SDS: variants seen among roughly 807,000 people sequenced by gnomAD.
The protein encoded by SDS is serine dehydratase.
In SDS, 19 loss-of-function variants were observed where a neutral mutation model predicts 29.3. The ratio of observed to expected loss-of-function variants is 0.65; its 90% CI spans 0.45 to 0.95. The LOEUF (loss-of-function observed/expected upper bound fraction) is 0.95, where lower values mean the gene tolerates loss of function less well. Among genes scored for constraint, SDS ranks in the 40% least tolerant of loss-of-function variants. SDS has a pLI of 0.00. For missense variants in SDS, 375 were observed against 439.9 expected (o/e 0.85, Z 1.32); for synonymous variants, 176 against 189.0 (o/e 0.93, Z 0.56).
rs926979619 is a variant in SDS at position 113,398,834 on chromosome 12, C to T, written c.206G>A (p.Gly69Asp). The T allele has an allele frequency of 6.2e-7, 1 of 1,606,018 alleles. No homozygotes were observed. The highest frequency in any genetic ancestry group is 8.5e-7 in the Non-Finnish European group (1 of 1,176,436). The change falls in exon 4 of 8, where the codon GGC becomes GAC. Residue 69 changes from glycine (G) to aspartate (D), a missense_variant. Transcript: ENST00000257549. Reference protein sequence around the residue: ...HFVCSSAGNAGMAAAYAARQL... With the variant: ...HFVCSSAGNADMAAAYAARQL... The stretch of plus-strand genomic sequence containing the variant: ...CCTGGCCGCATATGCAGCCGCCATG[C>T]CTGCGTTGCCCGCTGCCAGGGTCGG...
chr12:113,397,025 C>T (rs538325289), intron 6 of SDS, 140 bp downstream of exon 6: 35 of 732,538 alleles, frequency 4.8e-5, no homozygotes, highest in Non-Finnish European at 7.4e-5. Context: ...ACTCACTGGA[C>T]GTGGCCCTGG....
chr12:113,397,283 C>T lies in SDS; in HGVS notation c.535G>A (p.Gly179Arg). Residue 179 changes from glycine (G) to arginine (R), a missense_variant, in exon 6 of 8, where the codon GGG (glycine) becomes AGG (arginine). Physicochemically the swap from Gly to Arg is moderately radical, Grantham distance 125. Transcript: ENST00000257549. ...GGGLLCGVVQ[G>R]LQEVGWGDVP... ...TCCCCCCAGCCCACCTCCTGCAGCC[C>T]CTGGACCACTCCACACAGCAGGCCC... 3 of 1,614,184 alleles carry T rather than the reference C, an allele frequency of 1.9e-6. No homozygotes were observed. The highest frequency in any genetic ancestry group is 2.5e-6 in the Non-Finnish European group (3 of 1,180,028).
At chr12:113,396,542 CTCCCTTCCTTCCTT>C in intron 6 of SDS, 13 of 73,238 alleles carry the variant, frequency 1.8e-4, no homozygotes, top group Non-Finnish European at 3.6e-4. Flanking sequence ...CCCTCCCTCT[CTCCCTTCCTTCCTT>C]CCTTCCTTCC....
rs144123121 is a variant in SDS at position 113,401,423 on chromosome 12, G to C, written c.-2-1713C>G. Among the ~76,000 whole-genome samples, 489 of 151,836 alleles carry C rather than the reference G, an allele frequency of 3.2e-3. 3 individuals are homozygous for C. The highest frequency in any genetic ancestry group is 0.011 in the African/African-American group (457 of 41,364). Reference sequence around the variant, plus strand: ...CATTCATTCATTCCAGTAGAGATGGGGTTTTGCTATGTTGGCCAGGCTGGT... The same window carrying C: ...CATTCATTCATTCCAGTAGAGATGGCGTTTTGCTATGTTGGCCAGGCTGGT... On this transcript the variant is annotated intron_variant, in intron 1 of 7. Transcript: ENST00000257549.
Position 113,397,159 on chromosome 12 carries a change from G to A in SDS, c.653+6C>T, listed in dbSNP as rs556145266. 2.9e-4 allele frequency: 460 copies of A among 1,613,574 alleles called. 8 individuals are homozygous for A. The South Asian group carries it at 4.8e-3, about 17-fold the overall frequency. ...GACACCCGAGGGAGGCACCCCAGCT[G>A]CTCACCTGGTGATCTTGGGCAGGGA... On this transcript the variant is annotated splice_donor_region_variant and intron_variant, in intron 6 of 7. Coordinates refer to ENST00000257549, the MANE Select transcript of SDS (RefSeq NM_006843.3).
chr12:113,393,934 T>C lies in SDS; in HGVS notation c.736A>G (p.Ile246Val). The C allele has an allele frequency of 6.2e-7, 1 of 1,614,140 alleles. No individual in the cohort carries two copies. Among genetic ancestry groups the C allele is most frequent in the African/African-American group, 1.3e-5 (1 of 75,038 alleles). The part of the protein sequence containing the change: ...FQEHPIFSEV[I>V]SDQEAVAAIE... ...GCGGCCACAGCCTCCTGGTCCGAGA[T>C]AACTTCAGAGAAAATGGGGTGTTCC... The change falls in exon 7 of 8, where the codon ATC (isoleucine) becomes GTC (valine). Residue 246 changes from isoleucine to valine, a missense_variant. By Grantham distance (29) the Ile-to-Val change is conservative. Coordinates refer to ENST00000257549, the MANE Select transcript of SDS (RefSeq NM_006843.3).
Position 113,397,172 on chromosome 12 carries a change from T to C in SDS, c.646A>G (p.Ile216Val), listed in dbSNP as rs745568603. The change falls in exon 6 of 8, where the codon ATC becomes GTC. Residue 216 changes from isoleucine to valine, a missense_variant. Coordinates refer to ENST00000257549, the MANE Select transcript of SDS (RefSeq NM_006843.3). Reference sequence around the variant, plus strand: ...GGCACCCCAGCTGCTCACCTGGTGATCTTGGGCAGGGAGACAAGTTTGCCT... The same window carrying C: ...GGCACCCCAGCTGCTCACCTGGTGACCTTGGGCAGGGAGACAAGTTTGCCT... ...TAGKLVSLPKITSVAKALGVK... is the reference protein window; with the variant it reads ...TAGKLVSLPKVTSVAKALGVK... 3.7e-5 allele frequency: 59 copies of C among 1,614,140 alleles called. No homozygotes were observed. Among genetic ancestry groups the C allele is most frequent in the Non-Finnish European group, 4.9e-5 (58 of 1,179,998 alleles).
At chr12:113,399,451 A>T in intron 2 of SDS, 105 bp downstream of exon 2, 1 of 1,310,778 alleles carries the variant, frequency 7.6e-7, no homozygotes, top group African/African-American at 1.5e-5. Flanking sequence ...GGGAGTCAGT[A>T]GGCTTATCCT....
rs1565870368 is a variant in SDS at position 113,399,625 on chromosome 12, G to A, written c.84C>T (p.Tyr28=). The A allele has an allele frequency of 6.2e-7, 1 of 1,601,200 alleles. No individual in the cohort carries two copies. Among genetic ancestry groups the A allele is most frequent in the Non-Finnish European group, 8.5e-7 (1 of 1,175,632 alleles). The change falls in exon 2 of 8, where the codon TAC becomes TAT. Residue 28 remains tyrosine (Y), a synonymous_variant. Coordinates refer to ENST00000257549, the MANE Select transcript of SDS (RefSeq NM_006843.3). ...AGGGCTGGGCACTGTCCATCTTGAGGTAGACGCTGGTGCCGGCCATTTTGG... is the reference window on the plus strand; with the variant it reads ...AGGGCTGGGCACTGTCCATCTTGAGATAGACGCTGGTGCCGGCCATTTTGG... ...ALSKMAGTSV[Y]LKMDSAQPSG...
chr12:113,399,198 G>T, intron 2 of SDS, 47 bp from the exon 3 acceptor site: 2 of 1,594,248 alleles, frequency 1.3e-6, no homozygotes, highest in Non-Finnish European at 1.7e-6. Context: ...CCCAGTCATT[G>T]CCTGTGCTCT....
Position 113,392,565 on chromosome 12 carries a change from G to T in SDS, c.*376C>A. The T allele has an allele frequency of 4.1e-6, 1 of 241,254 alleles. No homozygotes were observed. The allele number at this position is 241,254 out of a possible 1,614,324, so 14.9% of individuals were successfully genotyped here. On this transcript the variant is annotated 3_prime_UTR_variant, in exon 8 of 8. Transcript: ENST00000257549. ...AGATGGTTCCTCAACCCTGGTTGGT[G>T]GCCCTGTTGACCTTCACTGGGAACA... is the stretch of plus-strand genomic sequence containing the variant.
In SDS at chr12:113,399,129, T is replaced by C; in HGVS notation, c.176A>G (p.His59Arg). 6.2e-7 allele frequency: 1 copy of C among 1,613,938 alleles called. No homozygotes were observed. Among genetic ancestry groups the C allele is most frequent in the Non-Finnish European group, 8.5e-7 (1 of 1,179,924 alleles). Residue 59 changes from histidine (H) to arginine (R), a missense_variant, in exon 3 of 8, where the codon CAT becomes CGT. Coordinates refer to ENST00000257549, the MANE Select transcript of SDS (RefSeq NM_006843.3). ...TCACTTACCCGAGGAGCAGACAAAA[T>C]GTGCACAGCCTTGCTTGGCCCACTG... ...CKRWAKQGCA[H>R]FVCSSAGNAG...
intron 1 of SDS, among the ~76,000 whole-genome samples, chr12:113,402,967 A>T (rs556423996): frequency 6.6e-6 from 1 of 152,252 alleles, no homozygotes; most frequent in East Asian, 1.9e-4. Context: ...TGCTCAGTCG[A>T]TATGAACTAT....
rs1957619356 is a variant in SDS, at chr12:113,392,869, C to T, written c.*72G>A. The T allele has an allele frequency of 7.2e-7, 1 of 1,396,256 alleles. No individual in the cohort carries two copies. Among genetic ancestry groups the T allele is most frequent in the South Asian group, 1.2e-5 (1 of 82,998 alleles). 86.5% of individuals were successfully genotyped at this position (1,396,256 alleles called of 1,614,324 possible). ...GTGCTCAGCCAAACATACGACGAGG[C>T]GCTGGATAAAACTCCAGCCCCTCCA... On this transcript the variant is annotated 3_prime_UTR_variant, in exon 8 of 8. Coordinates refer to ENST00000257549, the MANE Select transcript of SDS (RefSeq NM_006843.3).
In SDS at chr12:113,399,617, A is replaced by G. The variant is rs746717475; in HGVS notation, c.92T>C (p.Met31Thr). The G allele has an allele frequency of 5.6e-6, 9 of 1,602,866 alleles. No homozygotes were observed. The highest frequency in any genetic ancestry group is 1.3e-5 in the African/African-American group (1 of 74,908). The change falls in exon 2 of 8, where the codon ATG becomes ACG. Residue 31 changes from methionine (M) to threonine (T), a missense_variant. Met to Thr is a moderately conservative substitution (Grantham distance 81, BLOSUM62 -1). Coordinates refer to ENST00000257549, the MANE Select transcript of SDS (RefSeq NM_006843.3). ...KMAGTSVYLK[M>T]DSAQPSGSFK... ...GGAGCCGGAGGGCTGGGCACTGTCC[A>G]TCTTGAGGTAGACGCTGGTGCCGGC...
rs1347156987 is a variant in SDS at position 113,403,813 on chromosome 12, G to A, written c.-48C>T. 6.6e-6 allele frequency: 1 copy of A among 152,632 alleles called. No homozygotes were observed. Among genetic ancestry groups the A allele is most frequent in the African/African-American group, 2.4e-5 (1 of 41,480 alleles). The allele number at this position is 152,632 out of a possible 1,614,324, so 9.5% of individuals were successfully genotyped here. On this transcript the variant is annotated 5_prime_UTR_variant, in exon 1 of 8. Coordinates refer to ENST00000257549, the MANE Select transcript of SDS (RefSeq NM_006843.3). The stretch of plus-strand genomic sequence containing the variant: ...GAGCAGGAGTCAGAGCCAAGCCAGC[G>A]AGGGAGGGATCAACTGAGTAGATAG...
rs71443028 is a variant in SDS at position 113,398,061 on chromosome 12, CT to C, written c.425+453del. On this transcript the variant is annotated intron_variant, in intron 5 of 7. Coordinates refer to ENST00000257549, the MANE Select transcript of SDS (RefSeq NM_006843.3). ...CACCTGGGTGTAACGTGTGTTTCTT[CT>C]TTTTTTTTTTTTTTGTTTTTTTTTT... 8.5e-3 allele frequency among the ~76,000 whole-genome samples: 1,114 copies of C among 130,722 alleles called. 6 individuals are homozygous for C. Among genetic ancestry groups the C allele is most frequent in the East Asian group, 0.022 (99 of 4,442 alleles). 85.8% of individuals were successfully genotyped at this position (130,722 alleles called of 152,430 possible).
In SDS at chr12:113,398,794, G is replaced by T. The variant is rs559276465; in HGVS notation, c.246C>A (p.Pro82=). The change falls in exon 4 of 8, where the codon CCC becomes CCA. Residue 82 remains proline (P), a synonymous_variant. Transcript: ENST00000257549. ...AAYAARQLGV[P]ATIVVPSTTP... is the part of the protein sequence containing the mutation. ...TGGTGCTGGGCACCACGATGGTGGC[G>T]GGGACGCCGAGTTGCCTGGCCGCAT... The T allele has an allele frequency of 6.2e-7, 1 of 1,613,368 alleles. No homozygotes were observed.
At chr12:113,402,799 T>C (rs1249026456) in intron 1 of SDS, among the ~76,000 whole-genome samples, 3 of 152,124 alleles carry the variant, frequency 2.0e-5, no homozygotes, top group Admixed American at 6.5e-5. Context: ...GAGCATCCAT[T>C]AACTGCATCC....
Sources: gnomAD v4.1 joint callset for allele counts (sites outside exome capture counted in the v4.1 genomes callset) on GRCh38, gnomAD v4.1.1 for gene constraint, MANE v1.5 for transcripts, NCBI Gene and HGNC (gene_info 2026-07-23, HGNC 2026-07-21) for gene names.